Variants in UFL1 observed in about 807,000 individuals in gnomAD.
UFL1 encodes UFM1 specific ligase 1.
UFL1 carries 78 observed loss-of-function variants against 99.3 expected under a neutral mutation model. The ratio of observed to expected loss-of-function variants is 0.79; its 90% confidence interval spans 0.65 to 0.95. The LOEUF is 0.95. UFL1 is among the 40% of genes least tolerant of loss of function. UFL1 has a pLI of 0.00. For missense variants in UFL1, 936 were observed against 937.0 expected (o/e 1.00, Z 0.01); for synonymous variants, 335 against 322.2 (o/e 1.04, Z -0.42).
At position 96,551,899 on chromosome 6, in the gene UFL1, A is replaced by G. The variant is rs1177832471; in HGVS notation, c.1961A>G (p.Lys654Arg). 1 of 1,608,740 alleles carries G rather than the reference A, an allele frequency of 6.2e-7. No individual in the cohort carries two copies. Among genetic ancestry groups the G allele is most frequent in the Non-Finnish European group, 8.5e-7 (1 of 1,176,504 alleles). Residue 654 changes from lysine to arginine, a missense_variant, in exon 17 of 19, where the codon AAA becomes AGA. Coordinates refer to ENST00000369278, the MANE Select transcript of UFL1 (RefSeq NM_015323.5). ...SAAEACDIMV[K>R]RGDKKRERQI... ...GCAGAAGCTTGTGATATTATGGTGAAAAGGGGAGACAAAAAAAGGGAAAGG... is the reference window on the plus strand; with the variant it reads ...GCAGAAGCTTGTGATATTATGGTGAGAAGGGGAGACAAAAAAAGGGAAAGG...
intron 8 of UFL1, among the ~76,000 whole-genome samples, chr6:96,536,853 A>G (rs1190650518): frequency 6.6e-6 from 1 of 151,738 alleles, no homozygotes; most frequent in Non-Finnish European, 1.5e-5. Context: ...CAGATTTACA[A>G]TGTGTGTTTT....
At chr6:96,523,938 CT>C (rs1769663800) in intron 2 of UFL1, among the ~76,000 whole-genome samples, 3 of 151,788 alleles carry the variant, frequency 2.0e-5, no homozygotes, top group African/African-American at 7.3e-5. Context: ...TTCATAGTAC[CT>C]TTAAAATATG....
At chr6:96,530,997 G>A (rs1769774735) in intron 6 of UFL1, among the ~76,000 whole-genome samples, 1 of 152,210 alleles carries the variant, frequency 6.6e-6, no homozygotes, top group South Asian at 2.1e-4. Context: ...TACTGCCTGA[G>A]CTGCTCCTCC....
intron 1 of UFL1, among the ~76,000 whole-genome samples, 190 bp downstream of exon 1, chr6:96,522,140 C>T (rs1769622598): frequency 6.6e-6 from 1 of 152,174 alleles, no homozygotes; most frequent in Admixed American, 6.5e-5. Context: ...AAGTCCTCAG[C>T]CTAGGACGCC....
intron 10 of UFL1, among the ~76,000 whole-genome samples, chr6:96,539,726 G>C (rs1369259183): frequency 1.3e-5 from 2 of 151,488 alleles, no homozygotes; most frequent in Non-Finnish European, 3.0e-5. Flanking sequence ...ATGTTAACTA[G>C]CAGTTAGTAA....
In UFL1 at chr6:96,524,387, G is replaced by C. The variant is rs560687876; in HGVS notation, c.229G>C (p.Val77Leu). The change falls in exon 3 of 19, where the codon GTA becomes CTA. Residue 77 changes from valine (V) to leucine (L), a missense_variant. Val to Leu is a conservative substitution (Grantham distance 32). Coordinates refer to ENST00000369278, the MANE Select transcript of UFL1 (RefSeq NM_015323.5). ...RDELHVRGGR[V>L]NIVDLQQVIN... is the part of the protein sequence containing the mutation. The stretch of plus-strand genomic sequence containing the variant: ...TGAATGTCTTTTCTTCAAAGGTCGA[G>C]TAAACATTGTTGATCTACAACAGGT... The C allele has an allele frequency of 2.5e-6, 4 of 1,588,034 alleles. No individual in the cohort carries two copies. Among genetic ancestry groups the C allele is most frequent in the Non-Finnish European group, 3.4e-6 (4 of 1,170,306 alleles).
At chr6:96,549,272 C>T (rs943660230) in intron 13 of UFL1, 140 bp from the exon 14 acceptor site, 6 of 607,406 alleles carry the variant, frequency 9.9e-6, no homozygotes, top group Non-Finnish European at 1.3e-5. Flanking sequence ...TGTTAGTGAA[C>T]TTGTCTCCAA....
In UFL1 at chr6:96,549,467, ACTT is replaced by A; in HGVS notation, c.1579_1581del (p.Ser527del). On this transcript the variant is annotated inframe_deletion, in exon 14 of 19. Coordinates refer to ENST00000369278, the MANE Select transcript of UFL1 (RefSeq NM_015323.5). ...ACGTTCAGTATTCATGTCTTCAACA[ACTT>A]CTGCTTCTGGGACGGGCAGAAAACG... The A allele has an allele frequency of 1.9e-6, 3 of 1,596,492 alleles. No homozygotes were observed. Among genetic ancestry groups the A allele is most frequent in the Non-Finnish European group, 2.6e-6 (3 of 1,175,120 alleles).
chr6:96,526,538 T>C (rs1769705770), intron 5 of UFL1, 103 bp downstream of exon 5: 2 of 886,154 alleles, frequency 2.3e-6, no homozygotes, highest in African/African-American at 3.4e-5. Flanking sequence ...CTCACCATCA[T>C]TTGATTTATT....
intron 8 of UFL1, 102 bp from the exon 9 acceptor site, chr6:96,537,272 A>G (rs2127951092): frequency 2.1e-6 from 2 of 974,600 alleles, no homozygotes; most frequent in East Asian, 6.0e-5. Context: ...GAAGGTAGAC[A>G]TCTCTAATAA....
Position 96,553,604 on chromosome 6 carries a change from A to G in UFL1, c.*101A>G. 1.2e-6 allele frequency: 1 copy of G among 827,650 alleles called. No individual in the cohort carries two copies. The highest frequency in any genetic ancestry group is 1.9e-6 in the Non-Finnish European group (1 of 528,354). 51.3% of individuals were successfully genotyped at this position (827,650 alleles called of 1,614,324 possible). On this transcript the variant is annotated 3_prime_UTR_variant, in exon 19 of 19. Coordinates refer to ENST00000369278, the MANE Select transcript of UFL1 (RefSeq NM_015323.5). Reference sequence around the variant, plus strand: ...CACTATACAACTCCCCTCTCCCTGCAAAAACCACCTCATACACACACAATT... The same window carrying G: ...CACTATACAACTCCCCTCTCCCTGCGAAAACCACCTCATACACACACAATT...
At position 96,536,359 on chromosome 6, in the gene UFL1, G is replaced by T; in HGVS notation, c.771G>T (p.Val257=). The T allele has an allele frequency of 6.2e-7, 1 of 1,603,264 alleles. No individual in the cohort carries two copies. Among genetic ancestry groups the T allele is most frequent in the South Asian group, 1.1e-5 (1 of 89,372 alleles). Residue 257 remains valine (V), a synonymous_variant, in exon 8 of 19, where the codon GTG becomes GTT. Transcript: ENST00000369278. ...ACTCCAGGACACAGAGTACTTGGGT[G>T]GATTCCTTTTTCAGGCAGAATGGCT... ...DIYSRTQSTW[V]DSFFRQNGYL...
chr6:96,528,173 T>A (rs1200786651), intron 5 of UFL1, among the ~76,000 whole-genome samples: 1 of 152,218 alleles, frequency 6.6e-6, no homozygotes, highest in African/African-American at 2.4e-5. Flanking sequence ...TGCCTATATC[T>A]AGAAACCATC....
In UFL1 at chr6:96,549,614, G is replaced by T. The variant is rs1413738974; in HGVS notation, c.1687+36G>T. 5 of 1,585,944 alleles carry T rather than the reference G, an allele frequency of 3.2e-6. No individual in the cohort carries two copies. In the Admixed American group the frequency reaches 7.6e-5, roughly 24 times the overall value. On this transcript the variant is annotated intron_variant, in intron 14 of 18. Coordinates refer to ENST00000369278, the MANE Select transcript of UFL1 (RefSeq NM_015323.5). ...TCTTTGTTAATCTTGTTTTTTCATT[G>T]ATTTTCATAATTTGGGGAATAAATT...
intron 6 of UFL1, among the ~76,000 whole-genome samples, chr6:96,530,832 A>G (rs1289474915): frequency 6.6e-6 from 1 of 152,104 alleles, no homozygotes; most frequent in Non-Finnish European, 1.5e-5. Context: ...TGGATACTAC[A>G]TTACTTATCA....
In UFL1 at chr6:96,536,471, GTCC is replaced by G. The variant is rs1031366210; in HGVS notation, c.802+86_802+88del. 6.6e-5 allele frequency: 70 copies of G among 1,059,236 alleles called. No homozygotes were observed. In the African/African-American group the frequency reaches 1.2e-3, roughly 17 times the overall value. The allele number at this position is 1,059,236 out of a possible 1,614,324, so 65.6% of individuals were successfully genotyped here. The stretch of plus-strand genomic sequence containing the variant: ...TTAAAAGTATTATACTAACCCTAGA[GTCC>G]TCCTTTGATCTGTGGGTTATATTAA... On this transcript the variant is annotated intron_variant, in intron 8 of 18. Transcript: ENST00000369278.
intron 5 of UFL1, among the ~76,000 whole-genome samples, chr6:96,527,269 A>T (rs983078304): frequency 2.0e-5 from 3 of 152,068 alleles, no homozygotes; most frequent in African/African-American, 7.2e-5. Context: ...AAATCATTTC[A>T]TCTCTTTTAT....
Position 96,524,406 on chromosome 6 carries a change from A to G in UFL1, c.248A>G (p.Gln83Arg). ...GGTCGAGTAAACATTGTTGATCTAC[A>G]ACAGGTAGGTTTTAAATTTATAAAA... is the stretch of plus-strand genomic sequence containing the variant. Reference protein sequence around the residue: ...RGGRVNIVDLQQVINVDLIHI... With the variant: ...RGGRVNIVDLRQVINVDLIHI... Residue 83 changes from glutamine to arginine, a missense_variant, in exon 3 of 19, where the codon CAA becomes CGA. Physicochemically the swap from Gln to Arg is conservative, Grantham distance 43. Coordinates refer to ENST00000369278, the MANE Select transcript of UFL1 (RefSeq NM_015323.5). 4 of 1,580,994 alleles carry G rather than the reference A, an allele frequency of 2.5e-6. No homozygotes were observed. Among genetic ancestry groups the G allele is most frequent in the Non-Finnish European group, 3.4e-6 (4 of 1,168,686 alleles).
At chr6:96,531,960 T>A (rs113821633) in intron 6 of UFL1, among the ~76,000 whole-genome samples, 3,722 of 152,312 alleles carry the variant, frequency 0.024, 54 homozygotes, top group Non-Finnish European at 0.03. Flanking sequence ...CCATCCCACT[T>A]TTCTAGTCTA....
Sources: allele counts gnomAD v4.1 joint callset (sites outside exome capture counted in the v4.1 genomes callset), GRCh38; gene constraint gnomAD v4.1.1; transcripts MANE v1.5; gene names NCBI Gene and HGNC (gene_info 2026-07-23, HGNC 2026-07-21).